The following RTKN2 variants were observed in gnomAD, a reference collection of about 807,000 sequenced individuals.
RTKN2 encodes rhotekin-2.
RTKN2 carries 69 observed loss-of-function variants against 71.5 expected under a neutral mutation model. The ratio of observed to expected loss-of-function variants is 0.96; its 90% CI spans 0.79 to 1.18. The LOEUF is 1.18. Ranked by LOEUF, RTKN2 falls within the 50% of genes most tolerant of loss-of-function variation. The pLI is 0.00. For missense variants in RTKN2, 724 were observed against 719.7 expected, an observed-to-expected ratio of 1.01 and a Z score of -0.07; for synonymous variants, 236 against 236.5, an observed-to-expected ratio of 1.00 and a Z score of 0.02.
chr10:62,246,302 G>A (rs1842478419), intron 2 of RTKN2, among the ~76,000 whole-genome samples: 1 of 151,960 alleles, frequency 6.6e-6, no homozygotes, highest in African/African-American at 2.4e-5. Context: ...ACTGTATACT[G>A]GTTACTTTAC....
intron 9 of RTKN2, among the ~76,000 whole-genome samples, chr10:62,215,826 AAC>A (rs1415476528): frequency 3.3e-5 from 5 of 152,010 alleles, no homozygotes; most frequent in Non-Finnish European, 7.4e-5. Context: ...CAGGAAATAC[AAC>A]ACTGCATAAA....
chr10:62,206,684 AAT>A (rs1182441829), intron 9 of RTKN2, among the ~76,000 whole-genome samples: 12 of 152,216 alleles, frequency 7.9e-5, no homozygotes, highest in African/African-American at 2.4e-4. Flanking sequence ...ATTTTATCAT[AAT>A]AGAGTATAAA....
Position 62,193,168 on chromosome 10 carries a change from A to G in RTKN2, c.*4740T>C, listed in dbSNP as rs1841251247. 1.3e-6 allele frequency: 1 copy of G among 764,460 alleles called. No individual in the cohort carries two copies. Among genetic ancestry groups the G allele is most frequent in the Non-Finnish European group, 1.6e-6 (1 of 628,624 alleles). 47.4% of individuals were successfully genotyped at this position (764,460 alleles called of 1,614,324 possible). On this transcript the variant is annotated 3_prime_UTR_variant, in exon 12 of 12. Coordinates refer to ENST00000373789, the MANE Select transcript of RTKN2 (RefSeq NM_145307.4). ...GAGTAGATAAACAAAATATAAAAAT[A>G]TTTTTAAGCAAGACACCAAAAAGTA...
At chr10:62,225,185 G>A (rs988556581) in intron 6 of RTKN2, among the ~76,000 whole-genome samples, 6 of 152,166 alleles carry the variant, frequency 3.9e-5, no homozygotes, top group African/African-American at 9.7e-5. Context: ...GAGAAAACTC[G>A]AGGCTGACAA....
At chr10:62,258,286 C>T (rs185333265) in intron 2 of RTKN2, among the ~76,000 whole-genome samples, 2 of 152,190 alleles carry the variant, frequency 1.3e-5, no homozygotes, top group African/African-American at 2.4e-5. Context: ...TCCTGGAACC[C>T]GAGTTTTAAA....
At chr10:62,234,515 AAAAAG>A (rs927597227) in intron 6 of RTKN2, among the ~76,000 whole-genome samples, 5 of 151,864 alleles carry the variant, frequency 3.3e-5, no homozygotes, top group Admixed American at 3.3e-4. Flanking sequence ...AAAGAAAAAG[AAAAAG>A]AAAAGAAAAG....
rs1262087135 is a variant in RTKN2 at position 62,196,246 on chromosome 10, C to G, written c.*1662G>C. On this transcript the variant is annotated 3_prime_UTR_variant, in exon 12 of 12. Transcript: ENST00000373789. ...ATTGAAATGGCAATCATAACAGAAA[C>G]TTATGAGAGCCTTCTAGTTAGAAAA... The G allele has an allele frequency of 1.0e-6, 1 of 969,608 alleles. No homozygotes were observed. The allele number at this position is 969,608 out of a possible 1,614,324, so 60.1% of individuals were successfully genotyped here.
intron 2 of RTKN2, among the ~76,000 whole-genome samples, chr10:62,258,523 TC>T (rs1445511332): frequency 3.9e-5 from 6 of 152,324 alleles, no homozygotes; most frequent in Middle Eastern, 6.8e-3. Context: ...TTAAATATTT[TC>T]CCTAAAAACT....
intron 2 of RTKN2, among the ~76,000 whole-genome samples, chr10:62,253,770 G>A (rs1190817991): frequency 6.6e-6 from 1 of 152,030 alleles, no homozygotes; most frequent in African/African-American, 2.4e-5. Flanking sequence ...TGAAGTGACT[G>A]GCATGTGACC....
At chr10:62,238,545 T>C (rs1484027342) in intron 5 of RTKN2, 3 of 152,002 alleles carry the variant, frequency 2.0e-5, no homozygotes, top group Admixed American at 6.6e-5. Context: ...TAGTTGATAA[T>C]GGAAATAAAT....
At chr10:62,254,805 CA>C (rs1369216940) in intron 2 of RTKN2, among the ~76,000 whole-genome samples, 1 of 151,614 alleles carries the variant, frequency 6.6e-6, no homozygotes, top group East Asian at 1.9e-4. Context: ...AGCTGAGAGA[CA>C]AAAAATAAAT....
intron 10 of RTKN2, among the ~76,000 whole-genome samples, chr10:62,203,161 A>AAAAAAT (rs1319291326): frequency 2.6e-5 from 4 of 152,188 alleles, no homozygotes; most frequent in Non-Finnish European, 4.4e-5. Context: ...ACTCCATCTC[A>AAAAAAT]AAAAATAAAA....
chr10:62,233,055 G>T (rs1475993003), intron 6 of RTKN2, among the ~76,000 whole-genome samples: 1 of 152,122 alleles, frequency 6.6e-6, no homozygotes. Context: ...CTGTAAAGGT[G>T]CATGAAACTC....
chr10:62,261,544 G>A (rs1042846409), intron 2 of RTKN2, among the ~76,000 whole-genome samples: 16 of 152,166 alleles, frequency 1.1e-4, no homozygotes, highest in Non-Finnish European at 1.5e-4. Flanking sequence ...CCAGTTACTC[G>A]GGAGGCTGAG....
chr10:62,243,183 T>C (rs1393480587), intron 3 of RTKN2, among the ~76,000 whole-genome samples: 1 of 137,686 alleles, frequency 7.3e-6, no homozygotes, highest in Non-Finnish European at 1.5e-5. Flanking sequence ...CCTTCCTGTG[T>C]CCATGTGTTC....
intron 5 of RTKN2, among the ~76,000 whole-genome samples, chr10:62,237,167 T>TTTGA (rs1842276521): frequency 6.6e-6 from 1 of 151,972 alleles, no homozygotes; most frequent in South Asian, 2.1e-4. Context: ...TGTTAATCTG[T>TTTGA]TTGATTATAG....
intron 9 of RTKN2, among the ~76,000 whole-genome samples, chr10:62,207,337 C>T (rs1406097894): frequency 6.6e-6 from 1 of 152,002 alleles, no homozygotes; most frequent in Admixed American, 6.5e-5. Context: ...ATTTTTAAAA[C>T]ATCAGAGGTT....
chr10:62,262,040 CATGAG>C (rs1842783793), intron 2 of RTKN2, among the ~76,000 whole-genome samples: 1 of 152,158 alleles, frequency 6.6e-6, no homozygotes, highest in Admixed American at 6.5e-5. Context: ...AAAAGAACAG[CATGAG>C]ATGACAGAAC....
At chr10:62,199,556 T>C (rs1473775702) in intron 11 of RTKN2, among the ~76,000 whole-genome samples, 198 bp downstream of exon 11, 2 of 152,218 alleles carry the variant, frequency 1.3e-5, no homozygotes, top group Non-Finnish European at 2.9e-5. Context: ...ATTCAGACTA[T>C]GAAAAAACGT....
Sources: gnomAD v4.1 joint callset for allele counts (sites outside exome capture counted in the v4.1 genomes callset) on GRCh38, gnomAD v4.1.1 for gene constraint, MANE v1.5 for transcripts, NCBI Gene and HGNC (gene_info 2026-07-23, HGNC 2026-07-21) for gene names.